The following KANSL1L variants were observed in gnomAD, a reference collection of about 807,000 sequenced individuals.
KANSL1L encodes KAT8 regulatory NSL complex subunit 1 like, also known as KAT8 regulatory NSL complex subunit 1-like protein.
Under a neutral mutation model 108.6 loss-of-function variants are expected in KANSL1L, and 25 were observed. The ratio of observed to expected loss-of-function variants is 0.23; its 90% CI spans 0.17 to 0.32. KANSL1L has a LOEUF of 0.32. KANSL1L is among the 10% of genes least tolerant of loss of function. The pLI is 1.00. For missense variants in KANSL1L, 1,137 were observed against 1,125.7 expected (o/e 1.01, Z -0.14); for synonymous variants, 405 against 395.1 (o/e 1.03, Z -0.30).
At chr2:210,056,213 C>T (rs2094348957) in intron 6 of KANSL1L, among the ~76,000 whole-genome samples, 1 of 152,198 alleles carries the variant, frequency 6.6e-6, no homozygotes, top group Non-Finnish European at 1.5e-5. Flanking sequence ...TGGTGTTGAG[C>T]CTGTGTAGAA....
chr2:210,153,536 A>T lies in KANSL1L; in HGVS notation c.1047T>A (p.Asp349Glu). The T allele has an allele frequency of 6.2e-7, 1 of 1,614,134 alleles. No individual in the cohort carries two copies. The change falls in exon 2 of 15, where the codon GAT (aspartate) becomes GAA (glutamate). Residue 349 changes from aspartate to glutamate, a missense_variant. Physicochemically the swap from Asp to Glu is conservative, Grantham distance 45. Coordinates refer to ENST00000281772, the MANE Select transcript of KANSL1L (RefSeq NM_152519.4). ...TAAGGGTATATTCATCCAAATCGTC[A>T]TCAGAGCTGCTATCAGTTGCATCGG... ...LDSDATDSSS[D>E]DDLDEYTLRK... is the part of the protein sequence containing the mutation.
chr2:210,029,170 G>A (rs904095697), intron 10 of KANSL1L: 7 of 501,666 alleles, frequency 1.4e-5, no homozygotes, highest in Non-Finnish European at 2.4e-5. Flanking sequence ...CAATCTCTTG[G>A]TAGATGTGTA....
In KANSL1L at chr2:210,149,903, CA is replaced by C. The variant is rs61291990; in HGVS notation, c.1088+3591del. Among the ~76,000 whole-genome samples the C allele has an allele frequency of 2.4e-3, 305 of 127,632 alleles. 12 individuals are homozygous for C. The South Asian group carries it at 0.06, about 25-fold the overall frequency. 83.7% of individuals were successfully genotyped at this position (127,632 alleles called of 152,430 possible). On this transcript the variant is annotated intron_variant, in intron 2 of 14. Coordinates refer to ENST00000281772, the MANE Select transcript of KANSL1L (RefSeq NM_152519.4). ...TAGATTTCAAGTATTAAAGAAAAACCAAAAAAAAAAACCAAAACAATTATCA... is the reference window on the plus strand; with the variant it reads ...TAGATTTCAAGTATTAAAGAAAAACCAAAAAAAAAACCAAAACAATTATCA...
chr2:210,165,432 T>A (rs1159474875), intron 1 of KANSL1L, among the ~76,000 whole-genome samples: 1 of 152,086 alleles, frequency 6.6e-6, no homozygotes, highest in Non-Finnish European at 1.5e-5. Flanking sequence ...TAATAAACAT[T>A]TTTTAAAACT....
At chr2:210,149,190 C>T in intron 2 of KANSL1L, among the ~76,000 whole-genome samples, 1 of 152,054 alleles carries the variant, frequency 6.6e-6, no homozygotes, top group East Asian at 1.9e-4. Flanking sequence ...AGAGAAATTT[C>T]AGATTGCTAG....
intron 5 of KANSL1L, chr2:210,079,749 A>G (rs1490068876): frequency 7.2e-6 from 1 of 138,370 alleles, no homozygotes; most frequent in Non-Finnish European, 1.5e-5. Flanking sequence ...CTTCTAAAAA[A>G]GCAAGCTTAC....
intron 5 of KANSL1L, among the ~76,000 whole-genome samples, chr2:210,079,389 A>T (rs2094564878): frequency 6.6e-6 from 1 of 151,422 alleles, no homozygotes; most frequent in Admixed American, 6.6e-5. Flanking sequence ...TGAGGTCAGG[A>T]GTTCGAGACC....
At chr2:210,090,069 ACTAT>A (rs2094679298) in intron 5 of KANSL1L, among the ~76,000 whole-genome samples, 1 of 152,196 alleles carries the variant, frequency 6.6e-6, no homozygotes, top group Admixed American at 6.5e-5. Context: ...CGACTAGTAT[ACTAT>A]CTAAGATAAG....
chr2:210,102,688 T>C (rs2094806322), intron 4 of KANSL1L, among the ~76,000 whole-genome samples: 1 of 152,180 alleles, frequency 6.6e-6, no homozygotes, highest in South Asian at 2.1e-4. Flanking sequence ...AGAGAAGACA[T>C]TTATGCAACC....
At chr2:210,076,830 C>G (rs778900047) in intron 5 of KANSL1L, among the ~76,000 whole-genome samples, 2 of 151,714 alleles carry the variant, frequency 1.3e-5, no homozygotes, top group African/African-American at 4.8e-5. Context: ...TACAAGGTAC[C>G]AATTTTAACC....
intron 5 of KANSL1L, among the ~76,000 whole-genome samples, chr2:210,078,841 A>G (rs1289503445): frequency 6.6e-6 from 1 of 152,256 alleles, no homozygotes; most frequent in African/African-American, 2.4e-5. Flanking sequence ...TGACTAAAAT[A>G]GGAACCTAAT....
chr2:210,170,472 G>T, intron 1 of KANSL1L: 1 of 737,690 alleles, frequency 1.4e-6, no homozygotes, highest in Non-Finnish European at 1.7e-6. Flanking sequence ...GAAACGGCCA[G>T]GATACCGCCT....
intron 6 of KANSL1L, among the ~76,000 whole-genome samples, chr2:210,049,873 G>A (rs893133035): frequency 1.3e-5 from 2 of 152,228 alleles, no homozygotes; most frequent in Non-Finnish European, 2.9e-5. Flanking sequence ...TCAAACAACT[G>A]TTTTCAGAAC....
At chr2:210,129,425 A>G (rs2095099477) in intron 2 of KANSL1L, among the ~76,000 whole-genome samples, 1 of 152,184 alleles carries the variant, frequency 6.6e-6, no homozygotes, top group South Asian at 2.1e-4. Context: ...CTGCTATTCA[A>G]TTCTTTATCA....
intron 1 of KANSL1L, among the ~76,000 whole-genome samples, chr2:210,157,816 G>A (rs944869189): frequency 5.4e-5 from 8 of 149,058 alleles, no homozygotes; most frequent in Non-Finnish European, 1.0e-4. Flanking sequence ...TTCCAGACCA[G>A]CCTGGGCAAC....
chr2:210,158,600 G>C (rs1359961755), intron 1 of KANSL1L, among the ~76,000 whole-genome samples: 2 of 151,570 alleles, frequency 1.3e-5, no homozygotes, highest in Non-Finnish European at 2.9e-5. Flanking sequence ...TGGATATGAA[G>C]ACTTTTAAGC....
intron 3 of KANSL1L, among the ~76,000 whole-genome samples, chr2:210,110,382 A>G (rs570666010): frequency 6.6e-6 from 1 of 152,342 alleles, no homozygotes; most frequent in South Asian, 2.1e-4. Context: ...TATCATATAA[A>G]GTGTAGAGAG....
chr2:210,038,173 T>C (rs974831841), intron 8 of KANSL1L, among the ~76,000 whole-genome samples: 5 of 152,062 alleles, frequency 3.3e-5, no homozygotes, highest in African/African-American at 9.6e-5. Flanking sequence ...CACAAAAACA[T>C]GTTAAGATGA....
At chr2:210,048,137 AT>A (rs2094246014) in intron 6 of KANSL1L, among the ~76,000 whole-genome samples, 1 of 152,192 alleles carries the variant, frequency 6.6e-6, no homozygotes, top group African/African-American at 2.4e-5. Flanking sequence ...TTGGTCAAAA[AT>A]GCTCTGAAGT....
Sources: gnomAD v4.1 joint callset for allele counts (sites outside exome capture counted in the v4.1 genomes callset) on GRCh38, gnomAD v4.1.1 for gene constraint, MANE v1.5 for transcripts, NCBI Gene and HGNC (gene_info 2026-07-23, HGNC 2026-07-21) for gene names.